The following PMS2 variants were observed in gnomAD, a reference collection of about 807,000 sequenced individuals.
PMS2 encodes the protein mismatch repair endonuclease PMS2.
A neutral mutation model predicts 90.0 loss-of-function variants in PMS2; 69 were observed. That is an observed-to-expected ratio of 0.77 (90% CI 0.63 to 0.94). PMS2 has a LOEUF of 0.94. Ranked by LOEUF, PMS2 falls within the 40% of genes least tolerant of loss-of-function variation. PMS2 has a pLI of 0.00. For missense variants in PMS2, 966 were observed against 1,040.2 expected, an observed-to-expected ratio of 0.93 and a Z score of 0.98; for synonymous variants, 332 against 375.1, an observed-to-expected ratio of 0.89 and a Z score of 1.33.
intron 9 of PMS2, 27 bp from the exon 10 acceptor site, chr7:5,989,982 T>A: frequency 5.0e-6 from 7 of 1,405,356 alleles, no homozygotes; most frequent in Non-Finnish European, 6.0e-6. Flanking sequence ...AACATATTTA[T>A]TATGTTTAAA....
intron 8 of PMS2, among the ~76,000 whole-genome samples, chr7:5,992,636 T>A (rs1242283270): frequency 6.6e-6 from 1 of 152,170 alleles, no homozygotes; most frequent in Non-Finnish European, 1.5e-5. Context: ...TACATTTTTT[T>A]AACAGCTTTA....
intron 11 of PMS2, among the ~76,000 whole-genome samples, chr7:5,984,332 AAGAC>A: frequency 6.6e-6 from 1 of 151,922 alleles, no homozygotes; most frequent in South Asian, 2.1e-4. Context: ...ATCTGGACAA[AAGAC>A]AGACACCACC....
At chr7:6,005,206 ATTTTG>A (rs1258124309) in intron 2 of PMS2, among the ~76,000 whole-genome samples, 4 of 150,238 alleles carry the variant, frequency 2.7e-5, no homozygotes, top group East Asian at 2.0e-4. Context: ...CTCCAGCCCT[ATTTTG>A]TTTTATGTTT....
At chr7:5,985,646 C>T (rs1370103142) in intron 11 of PMS2, among the ~76,000 whole-genome samples, 1 of 149,998 alleles carries the variant, frequency 6.7e-6, no homozygotes, top group Non-Finnish European at 1.5e-5. Flanking sequence ...CTCCACCTCC[C>T]GGGTTCAAGC....
chr7:6,008,057 C>G (rs1786054730), intron 1 of PMS2, among the ~76,000 whole-genome samples: 1 of 152,016 alleles, frequency 6.6e-6, no homozygotes, highest in Admixed American at 6.6e-5. Flanking sequence ...ACGGATTTCA[C>G]CATGTTGGCC....
At chr7:5,979,281 C>G (rs1241108145) in intron 12 of PMS2, among the ~76,000 whole-genome samples, 2 of 143,532 alleles carry the variant, frequency 1.4e-5, no homozygotes, top group Non-Finnish European at 3.0e-5. Flanking sequence ...ATCCCAGCTA[C>G]TCGGGAGGCT....
At chr7:5,981,089 C>T (rs914890838) in intron 12 of PMS2, among the ~76,000 whole-genome samples, 1 of 151,838 alleles carries the variant, frequency 6.6e-6, no homozygotes, top group Non-Finnish European at 1.5e-5. Flanking sequence ...TCTAACTTTG[C>T]TGAAGACAAG....
rs1022930804 is a variant in PMS2, at chr7:6,007,442, C to T, written c.24-1411G>A. Among the ~76,000 whole-genome samples the T allele has an allele frequency of 5.3e-5, 8 of 152,258 alleles. No homozygotes were observed. In the East Asian group the frequency reaches 5.8e-4, roughly 11 times the overall value. ...ATATTGTAGCACAGTGAACAACTGTCCTGAACATCACAAGCTCTTTGAGAC... is the reference window on the plus strand; with the variant it reads ...ATATTGTAGCACAGTGAACAACTGTTCTGAACATCACAAGCTCTTTGAGAC... On this transcript the variant is annotated intron_variant, in intron 1 of 14. Coordinates refer to ENST00000265849, the MANE Select transcript of PMS2 (RefSeq NM_000535.7).
intron 12 of PMS2, among the ~76,000 whole-genome samples, chr7:5,982,363 G>A (rs1417567212): frequency 2.4e-4 from 37 of 152,250 alleles, no homozygotes; most frequent in African/African-American, 8.0e-4. Flanking sequence ...CCGCCACCAC[G>A]CCTGGCTAAT....
Position 5,987,005 on chromosome 7 carries a change from C to A in PMS2, c.1760G>T (p.Ser587Ile), listed in dbSNP as rs762100304. 2 of 1,614,134 alleles carry A rather than the reference C, an allele frequency of 1.2e-6. No individual in the cohort carries two copies. Among genetic ancestry groups the A allele is most frequent in the Non-Finnish European group, 8.5e-7 (1 of 1,180,026 alleles). ...KRFKKEEILS[S>I]SDICQKLVNT... is the part of the protein sequence containing the mutation. The stretch of plus-strand genomic sequence containing the variant: ...TACTAACTTTTGACAAATGTCAGAA[C>A]TGGAAAGAATTTCTTCTTTTTTAAA... The change falls in exon 11 of 15, where the codon AGT becomes ATT. Residue 587 changes from serine (S) to isoleucine (I), a missense_variant. Ser to Ile is a moderately radical substitution (Grantham distance 142). Coordinates refer to ENST00000265849, the MANE Select transcript of PMS2 (RefSeq NM_000535.7).
rs878854059 is a variant in PMS2 at position 5,995,532 on chromosome 7, A to G, written c.903+2T>C. Reference sequence around the variant, plus strand: ...AAACTAACACAAAAAAATTTTAAATACCTTTGCTGGGTCACAAGGCCGCCG... The same window carrying G: ...AAACTAACACAAAAAAATTTTAAATGCCTTTGCTGGGTCACAAGGCCGCCG... On this transcript the variant is annotated splice_donor_variant, in intron 8 of 14. Transcript: ENST00000265849. LOFTEE classifies it high-confidence loss of function. 6.8e-6 allele frequency: 11 copies of G among 1,607,822 alleles called. No homozygotes were observed. The highest frequency in any genetic ancestry group is 1.7e-5 in the Admixed American group (1 of 59,990).
intron 2 of PMS2, chr7:6,004,342 G>A: frequency 3.3e-6 from 1 of 302,790 alleles, no homozygotes; most frequent in African/African-American, 2.2e-5. Context: ...TCTGTAACTG[G>A]TGGTGATCAA....
At chr7:5,994,561 C>A (rs1300274862) in intron 8 of PMS2, among the ~76,000 whole-genome samples, 2 of 151,908 alleles carry the variant, frequency 1.3e-5, no homozygotes, top group Non-Finnish European at 2.9e-5. Context: ...ATCACGAGGT[C>A]AGGAGATCAA....
intron 5 of PMS2, among the ~76,000 whole-genome samples, chr7:6,000,681 GA>G (rs1293095872): frequency 1.3e-5 from 2 of 151,902 alleles, no homozygotes; most frequent in Non-Finnish European, 2.9e-5. Context: ...TTAAATTTGT[GA>G]AAAAATGTAA....
At chr7:6,008,965 G>C in intron 1 of PMS2, 32 bp downstream of exon 1, 1 of 1,612,228 alleles carries the variant, frequency 6.2e-7, no homozygotes, top group Non-Finnish European at 8.5e-7. Flanking sequence ...GCGCGCGAGA[G>C]GGGACACCGG....
At chr7:5,984,242 T>C (rs1782617044) in intron 11 of PMS2, among the ~76,000 whole-genome samples, 1 of 151,822 alleles carries the variant, frequency 6.6e-6, no homozygotes, top group African/African-American at 2.4e-5. Context: ...ATATCAATCC[T>C]TCTCATCTTT....
intron 8 of PMS2, among the ~76,000 whole-genome samples, chr7:5,992,859 A>G (rs1783921839): frequency 1.3e-5 from 2 of 152,234 alleles, no homozygotes; most frequent in South Asian, 4.1e-4. Flanking sequence ...TTGCTCTATG[A>G]GAAATTCTAG....
chr7:6,007,851 T>C (rs1786008502), intron 1 of PMS2, among the ~76,000 whole-genome samples: 1 of 136,558 alleles, frequency 7.3e-6, no homozygotes, highest in Non-Finnish European at 1.5e-5. Flanking sequence ...ACAGGTCCAC[T>C]TCTGATTTTT....
chr7:5,997,282 G>A (rs1784513487), intron 7 of PMS2, 44 bp downstream of exon 7: 5 of 948,598 alleles, frequency 5.3e-6, no homozygotes, highest in Non-Finnish European at 1.7e-6. Flanking sequence ...AAGCTCTCAG[G>A]ATAAAATGTT....
Sources: allele counts gnomAD v4.1 joint callset (sites outside exome capture counted in the v4.1 genomes callset), GRCh38; gene constraint gnomAD v4.1.1; transcripts MANE v1.5; gene names NCBI Gene and HGNC (gene_info 2026-07-23, HGNC 2026-07-21).